DYSF: variants seen among roughly 807,000 people sequenced by gnomAD.
DYSF encodes the protein dysferlin, also known as dystrophy-associated fer-1-like 1.
A neutral mutation model predicts 274.9 loss-of-function variants in DYSF; 212 were observed. That is an observed-to-expected ratio of 0.77 (90% CI 0.69 to 0.86). The LOEUF (loss-of-function observed/expected upper bound fraction) is 0.86, where lower values mean the gene tolerates loss of function less well. Among genes scored for constraint, DYSF ranks in the 40% least tolerant of loss-of-function variants. DYSF has a pLI of 0.00. For synonymous variants in DYSF, 1,091 were observed against 1,078.7 expected (o/e 1.01, Z -0.22); for missense variants, 2,666 against 2,783.2 (o/e 0.96, Z 0.95).
chr2:71,631,862 G>T (rs1211116374), intron 41 of DYSF, among the ~76,000 whole-genome samples: 2 of 151,962 alleles, frequency 1.3e-5, no homozygotes, highest in Non-Finnish European at 2.9e-5. Flanking sequence ...ACTGCAGGGG[G>T]GACAGCCTGG....
intron 1 of DYSF, among the ~76,000 whole-genome samples, chr2:71,471,474 C>T (rs762576193): frequency 1.6e-4 from 24 of 152,092 alleles, no homozygotes; most frequent in Non-Finnish European, 2.9e-4. Flanking sequence ...AGGGGAGGTC[C>T]CCCACACCAA....
At chr2:71,568,426 T>C in intron 26 of DYSF, 88 bp downstream of exon 26, 1 of 1,531,346 alleles carries the variant, frequency 6.5e-7, no homozygotes, top group Non-Finnish European at 8.9e-7. Flanking sequence ...GGCTGGGGTC[T>C]GTTGATCCCT....
At chr2:71,556,146 T>C in intron 22 of DYSF, 75 bp downstream of exon 22, 3 of 1,278,298 alleles carry the variant, frequency 2.3e-6, no homozygotes, top group Non-Finnish European at 3.3e-6. Flanking sequence ...AGTGCTCGTG[T>C]GTGGCAGTGA....
rs186175966 is a variant in DYSF, at chr2:71,669,537, A to C, written c.5643-68A>C. 34 of 1,596,648 alleles carry C rather than the reference A, an allele frequency of 2.1e-5. No homozygotes were observed. The African/African-American group carries it at 4.3e-4, about 20-fold the overall frequency. On this transcript the variant is annotated intron_variant, in intron 50 of 55. Transcript: ENST00000410020. The stretch of plus-strand genomic sequence containing the variant: ...ACCTTCTTAACTCCTTGTCTGCCTA[A>C]GTTGACGATGTATATACTGTGTTGG...
At chr2:71,685,291 A>G (rs773788343) in intron 55 of DYSF, among the ~76,000 whole-genome samples, 1 of 152,158 alleles carries the variant, frequency 6.6e-6, no homozygotes, top group Non-Finnish European at 1.5e-5. Context: ...TGTCCTCTTT[A>G]AAATATGGAC....
intron 49 of DYSF, 126 bp from the exon 50 acceptor site, chr2:71,668,986 C>G: frequency 1.5e-6 from 2 of 1,292,062 alleles, no homozygotes; most frequent in Non-Finnish European, 2.2e-6. Context: ...TGGGCCTGGG[C>G]CAGTGTCCAG....
At chr2:71,523,249 C>A (rs917032196) in intron 12 of DYSF, among the ~76,000 whole-genome samples, 1 of 152,178 alleles carries the variant, frequency 6.6e-6, no homozygotes, top group Non-Finnish European at 1.5e-5. Context: ...GAGTAAAGGA[C>A]AATGGAGGCC....
chr2:71,564,135 C>T lies in DYSF; in HGVS notation c.2487C>T (p.Ala829=), dbSNP rs1199331931. Residue 829 remains alanine (A), a synonymous_variant, in exon 24 of 56, where the codon GCC becomes GCT. Coordinates refer to ENST00000410020, the MANE Select transcript of DYSF (RefSeq NM_001130987.2). ...GTGTGGCATACCAGCGGGTGCCCGC[C>T]CACCAAGTCCTCTTCTCCCGGCGGG... is the stretch of plus-strand genomic sequence containing the variant. ...DKRVAYQRVP[A]HQVLFSRRGA... The T allele has an allele frequency of 2.5e-6, 4 of 1,614,164 alleles. No homozygotes were observed. The highest frequency in any genetic ancestry group is 3.4e-6 in the Non-Finnish European group (4 of 1,180,058).
At chr2:71,480,808 A>G (rs1374413792) in intron 1 of DYSF, 75 bp from the exon 2 acceptor site, 1 of 1,388,688 alleles carries the variant, frequency 7.2e-7, no homozygotes, top group East Asian at 2.3e-5. Flanking sequence ...CACAGGTCTC[A>G]GAAGCTGAGC....
intron 23 of DYSF, among the ~76,000 whole-genome samples, chr2:71,563,066 C>T (rs937122308): frequency 6.6e-5 from 10 of 152,240 alleles, no homozygotes; most frequent in African/African-American, 2.4e-4. Context: ...GGGCCCACCC[C>T]TCGAGTTCCT....
chr2:71,510,356 G>C (rs893425792), intron 4 of DYSF, among the ~76,000 whole-genome samples: 1 of 152,196 alleles, frequency 6.6e-6, no homozygotes, highest in African/African-American at 2.4e-5. Context: ...TCCCCTCCAC[G>C]GGTTGCAGGA....
At chr2:71,643,721 G>T (rs549159894) in intron 41 of DYSF, among the ~76,000 whole-genome samples, 3 of 152,270 alleles carry the variant, frequency 2.0e-5, no homozygotes, top group Middle Eastern at 3.4e-3. Context: ...CACATGCTTG[G>T]GGGGCAGAGC....
chr2:71,540,812 C>T (rs1162109997), intron 17 of DYSF, among the ~76,000 whole-genome samples: 1 of 151,754 alleles, frequency 6.6e-6, no homozygotes, highest in Non-Finnish European at 1.5e-5. Flanking sequence ...TAACTTTTCC[C>T]CTGTCATTTA....
At chr2:71,546,486 A>C (rs2090485853) in intron 17 of DYSF, among the ~76,000 whole-genome samples, 1 of 151,958 alleles carries the variant, frequency 6.6e-6, no homozygotes, top group African/African-American at 2.4e-5. Flanking sequence ...TCTGCCCACA[A>C]ATTTGCCTGG....
intron 41 of DYSF, among the ~76,000 whole-genome samples, chr2:71,642,550 C>T (rs866028353): frequency 3.4e-4 from 52 of 152,188 alleles, no homozygotes; most frequent in African/African-American, 1.2e-3. Context: ...CCATGCTGTA[C>T]GCTACCCCAC....
At chr2:71,528,531 C>A (rs1025515048) in intron 14 of DYSF, 130 bp downstream of exon 14, 2 of 786,780 alleles carry the variant, frequency 2.5e-6, no homozygotes, top group African/African-American at 1.7e-5. Context: ...GTGGCTGATC[C>A]TGGTGCGTGG....
intron 45 of DYSF, among the ~76,000 whole-genome samples, chr2:71,662,602 T>A (rs1412604120): frequency 1.4e-5 from 2 of 145,510 alleles, no homozygotes; most frequent in Non-Finnish European, 3.0e-5. Flanking sequence ...GGTGTATGCG[T>A]CTGTGTGTGT....
At position 71,654,586 on chromosome 2, in the gene DYSF, C is replaced by T. The variant is rs186526441; in HGVS notation, c.4627-1576C>T. ...TTGCTTGAGGCCAGGAGTTGGAGAC[C>T]AGCCTAGGCAACATAGCGAGACTCC... On this transcript the variant is annotated intron_variant, in intron 42 of 55. Coordinates refer to ENST00000410020, the MANE Select transcript of DYSF (RefSeq NM_001130987.2). 1.7e-3 allele frequency among the ~76,000 whole-genome samples: 253 copies of T among 152,004 alleles called. 1 individual carries two copies. The highest frequency in any genetic ancestry group is 5.2e-3 in the African/African-American group (214 of 41,432).
At chr2:71,485,780 G>C (rs568076882) in intron 3 of DYSF, among the ~76,000 whole-genome samples, 1 of 152,224 alleles carries the variant, frequency 6.6e-6, no homozygotes, top group African/African-American at 2.4e-5. Context: ...TGAAAGAAAA[G>C]GAAAAAACTT....
Sources: gnomAD v4.1 joint callset for allele counts (sites outside exome capture counted in the v4.1 genomes callset) on GRCh38, gnomAD v4.1.1 for gene constraint, MANE v1.5 for transcripts, NCBI Gene and HGNC (gene_info 2026-07-23, HGNC 2026-07-21) for gene names.